Variants in NUDCD3 observed in about 807,000 individuals in gnomAD.
NUDCD3 encodes nudC domain-containing protein 3.
A neutral mutation model predicts 39.7 loss-of-function variants in NUDCD3; 13 were observed. The ratio of observed to expected loss-of-function variants is 0.33; its 90% CI spans 0.21 to 0.52. The LOEUF (loss-of-function observed/expected upper bound fraction) is 0.52. Among genes scored for constraint, NUDCD3 ranks in the 20% least tolerant of loss-of-function variants. The pLI is 0.96. For synonymous variants in NUDCD3, 175 were observed against 172.4 expected (o/e 1.02, Z -0.12); for missense variants, 453 against 458.1 (o/e 0.99, Z 0.10).
intron 2 of NUDCD3, among the ~76,000 whole-genome samples, chr7:44,458,472 C>T (rs568765224): frequency 6.6e-6 from 1 of 152,086 alleles, no homozygotes; most frequent in Non-Finnish European, 1.5e-5. Context: ...CTAGCCTGAC[C>T]AACATGGTGA....
intron 2 of NUDCD3, among the ~76,000 whole-genome samples, chr7:44,481,712 T>C (rs753273309): frequency 6.6e-6 from 1 of 152,208 alleles, no homozygotes; most frequent in Non-Finnish European, 1.5e-5. Flanking sequence ...ATATAAGTAA[T>C]GTTGGAATAA....
intron 3 of NUDCD3, among the ~76,000 whole-genome samples, chr7:44,406,705 C>G (rs1259318727): frequency 2.0e-5 from 3 of 152,186 alleles, no homozygotes; most frequent in Non-Finnish European, 4.4e-5. Context: ...TGGGAACAGA[C>G]AGCCATCTCT....
chr7:44,402,834 CT>C (rs1315652600), intron 4 of NUDCD3: 1 of 371,230 alleles, frequency 2.7e-6, no homozygotes, highest in African/African-American at 2.1e-5. Context: ...GCGGCCAGGG[CT>C]GCACCTTCAG....
chr7:44,454,698 G>C (rs938657516), intron 2 of NUDCD3, among the ~76,000 whole-genome samples: 1 of 152,122 alleles, frequency 6.6e-6, no homozygotes, highest in Non-Finnish European at 1.5e-5. Flanking sequence ...AGGCCAAGGC[G>C]GGAGGATCAC....
chr7:44,444,080 T>C (rs753503890), intron 2 of NUDCD3, among the ~76,000 whole-genome samples: 3 of 152,238 alleles, frequency 2.0e-5, no homozygotes, highest in Non-Finnish European at 2.9e-5. Flanking sequence ...CTAGAGCTTT[T>C]TCTATGAGCA....
rs565868032 is a variant in NUDCD3 at position 44,468,701 on chromosome 7, A to G, written c.509+16267T>C. Among the ~76,000 whole-genome samples, 7 of 152,310 alleles carry G rather than the reference A, an allele frequency of 4.6e-5. No homozygotes were observed. In the South Asian group the frequency reaches 1.4e-3, roughly 32 times the overall value. ...TCTTGGCTTGTAATCTCAATCTCTT[A>G]TCAAAACCCAAGGACTTCTTGGAGA... is the stretch of plus-strand genomic sequence containing the variant. On this transcript the variant is annotated intron_variant, in intron 2 of 5. Coordinates refer to ENST00000355451, the MANE Select transcript of NUDCD3 (RefSeq NM_015332.4).
intron 2 of NUDCD3, among the ~76,000 whole-genome samples, chr7:44,430,016 T>C (rs886358196): frequency 6.6e-6 from 1 of 152,194 alleles, no homozygotes; most frequent in Non-Finnish European, 1.5e-5. Context: ...ATATATAATA[T>C]ACACACAAGT....
intron 2 of NUDCD3, among the ~76,000 whole-genome samples, chr7:44,443,038 A>G (rs1449335035): frequency 6.6e-6 from 1 of 152,088 alleles, no homozygotes; most frequent in Non-Finnish European, 1.5e-5. Flanking sequence ...ACTTAACACC[A>G]TGACATCAAA....
chr7:44,430,554 CCACA>C (rs748912083), intron 2 of NUDCD3, among the ~76,000 whole-genome samples: 1 of 140,772 alleles, frequency 7.1e-6, no homozygotes, highest in African/African-American at 2.8e-5. Context: ...AATAAAATAC[CCACA>C]CACACACACA....
chr7:44,422,327 T>C (rs1799155239), intron 3 of NUDCD3, among the ~76,000 whole-genome samples: 1 of 151,716 alleles, frequency 6.6e-6, no homozygotes, highest in Non-Finnish European at 1.5e-5. Flanking sequence ...GAAAAACTCT[T>C]AGAAAAAAAT....
At chr7:44,454,533 C>T (rs955041554) in intron 2 of NUDCD3, among the ~76,000 whole-genome samples, 2 of 152,290 alleles carry the variant, frequency 1.3e-5, no homozygotes, top group African/African-American at 2.4e-5. Flanking sequence ...CAACCACCTC[C>T]GTGAGCTATG....
chr7:44,426,043 T>C (rs575926207), intron 3 of NUDCD3: 1 of 781,724 alleles, frequency 1.3e-6, no homozygotes, highest in African/African-American at 1.9e-5. Context: ...CCCTGCTCCA[T>C]GGAAGAGCCC....
At chr7:44,422,783 A>G (rs1799166231) in intron 3 of NUDCD3, among the ~76,000 whole-genome samples, 1 of 152,182 alleles carries the variant, frequency 6.6e-6, no homozygotes, top group South Asian at 2.1e-4. Flanking sequence ...CTACCTCCCT[A>G]ACTCATTTTA....
intron 2 of NUDCD3, among the ~76,000 whole-genome samples, chr7:44,443,394 CT>C (rs1001280545): frequency 4.0e-5 from 6 of 151,480 alleles, no homozygotes; most frequent in African/African-American, 1.2e-4. Context: ...TACAAGAAAT[CT>C]TTTTTTTTCT....
chr7:44,412,260 G>A (rs762456849), intron 3 of NUDCD3, among the ~76,000 whole-genome samples: 24 of 152,156 alleles, frequency 1.6e-4, no homozygotes, highest in African/African-American at 3.9e-4. Context: ...AGTTATATTC[G>A]ATGCAAAAAC....
rs1798354983 is a variant in NUDCD3, at chr7:44,383,992, A to G, written c.*2019T>C. ...TATCCCTCAGTCATTCTTCCTAGAT[A>G]TTGGTTTGCTGTTTATTAAAGCAGG... On this transcript the variant is annotated 3_prime_UTR_variant, in exon 6 of 6. Coordinates refer to ENST00000355451, the MANE Select transcript of NUDCD3 (RefSeq NM_015332.4). 6.6e-6 allele frequency: 1 copy of G among 152,280 alleles called. No homozygotes were observed. The highest frequency in any genetic ancestry group is 2.1e-4 in the South Asian group (1 of 4,834). The allele number at this position is 152,280 out of a possible 1,614,324, so 9.4% of individuals were successfully genotyped here. A position where few individuals can be genotyped will look rare whatever the true frequency, so the allele number is the denominator to read the frequency against.
In NUDCD3 at chr7:44,406,071, T is replaced by C. The variant is rs568270358; in HGVS notation, c.643-1488A>G. 5.9e-5 allele frequency among the ~76,000 whole-genome samples: 9 copies of C among 152,314 alleles called. No homozygotes were observed. The South Asian group carries it at 8.3e-4, about 14-fold the overall frequency. ...GCCTCAGCCTCCCAAAGTGCTGGGATGACACATGTGAGCCACCACATCCAG... is the reference window on the plus strand; with the variant it reads ...GCCTCAGCCTCCCAAAGTGCTGGGACGACACATGTGAGCCACCACATCCAG... On this transcript the variant is annotated intron_variant, in intron 3 of 5. Coordinates refer to ENST00000355451, the MANE Select transcript of NUDCD3 (RefSeq NM_015332.4).
At chr7:44,429,963 T>A in intron 2 of NUDCD3, among the ~76,000 whole-genome samples, 1 of 152,244 alleles carries the variant, frequency 6.6e-6, no homozygotes, top group East Asian at 1.9e-4. Flanking sequence ...AAAGTGGGTA[T>A]TATTACTTTT....
intron 2 of NUDCD3, among the ~76,000 whole-genome samples, chr7:44,470,335 G>C (rs772964256): frequency 6.6e-5 from 10 of 152,106 alleles, no homozygotes; most frequent in Non-Finnish European, 1.5e-4. Flanking sequence ...TTAAAGACCA[G>C]ATAACAGGCT....
Sources: allele counts gnomAD v4.1 joint callset (sites outside exome capture counted in the v4.1 genomes callset), GRCh38; gene constraint gnomAD v4.1.1; transcripts MANE v1.5; gene names NCBI Gene and HGNC (gene_info 2026-07-23, HGNC 2026-07-21).